The following FBXO3 variants were observed in gnomAD, a reference collection of about 807,000 sequenced individuals.
FBXO3 encodes the protein F-box only protein 3.
In FBXO3, 17 loss-of-function variants were observed where a neutral mutation model predicts 64.8. That is an observed-to-expected ratio of 0.26 (90% CI 0.18 to 0.39). The LOEUF (loss-of-function observed/expected upper bound fraction) is 0.39. Ranked by LOEUF, FBXO3 falls within the 10% of genes least tolerant of loss-of-function variation. FBXO3 has a pLI of 1.00. For missense variants in FBXO3, 420 were observed against 589.9 expected (o/e 0.71, Z 2.98); for synonymous variants, 182 against 201.6 (o/e 0.90, Z 0.82).
chr11:33,749,300 C>T (rs1254365368), intron 8 of FBXO3, among the ~76,000 whole-genome samples: 1 of 151,714 alleles, frequency 6.6e-6, no homozygotes, highest in Non-Finnish European at 1.5e-5. Context: ...ACCCATTTCC[C>T]TTTTTTCCAT....
Position 33,755,888 on chromosome 11 carries a change from T to C in FBXO3, c.561A>G (p.Arg187=), listed in dbSNP as rs1325257753. 1.2e-6 allele frequency: 2 copies of C among 1,614,194 alleles called. No homozygotes were observed. The highest frequency in any genetic ancestry group is 8.5e-7 in the Non-Finnish European group (1 of 1,180,012). ...AAGGGAGACAGTATTTCAGTCCCTG[T>C]CTCTGCTGGAATCCTCCGGCAGCTG... ...VDTAAGGFQQ[R]QGLKYCLPLT... Residue 187 remains arginine, a synonymous_variant, in exon 5 of 11, where the codon AGA becomes AGG. Transcript: ENST00000265651.
At chr11:33,754,359 G>C in intron 6 of FBXO3, 96 bp downstream of exon 6, 1 of 969,332 alleles carries the variant, frequency 1.0e-6, no homozygotes, top group Non-Finnish European at 1.5e-6. Context: ...GAAATTGCCA[G>C]CTGCTAAAGT....
rs1298344526 is a variant in FBXO3 at position 33,741,607 on chromosome 11, T to C, written c.*301A>G. 1.5e-5 allele frequency: 3 copies of C among 198,738 alleles called. No homozygotes were observed. The highest frequency in any genetic ancestry group is 2.0e-5 in the Non-Finnish European group (2 of 99,166). 12.3% of individuals were successfully genotyped at this position (198,738 alleles called of 1,614,324 possible). A position where few individuals can be genotyped will look rare whatever the true frequency, so the allele number is the denominator to read the frequency against. On this transcript the variant is annotated 3_prime_UTR_variant, in exon 11 of 11. Coordinates refer to ENST00000265651, the MANE Select transcript of FBXO3 (RefSeq NM_012175.4). The stretch of plus-strand genomic sequence containing the variant: ...AAACAGTTCCCTCTCCATTTCTAGA[T>C]TTTTGTAAGTATAAAATATTTTAAA...
At chr11:33,767,603 C>T (rs1855408993) in intron 3 of FBXO3, 1 of 152,196 alleles carries the variant, frequency 6.6e-6, no homozygotes, top group Non-Finnish European at 1.5e-5. Flanking sequence ...CTGGCCACAA[C>T]TTACTTAGTT....
chr11:33,769,196 C>A (rs989066497), intron 2 of FBXO3, among the ~76,000 whole-genome samples, 182 bp from the exon 3 acceptor site: 4 of 152,052 alleles, frequency 2.6e-5, no homozygotes, highest in Admixed American at 2.0e-4. Flanking sequence ...AAAGTTACTA[C>A]TGGCATGGTG....
intron 10 of FBXO3, chr11:33,744,517 G>C (rs543858787): frequency 6.6e-6 from 1 of 152,196 alleles, no homozygotes; most frequent in South Asian, 2.1e-4. Context: ...TAATCAGACT[G>C]GTAGAGGACG....
chr11:33,774,268 G>GC (rs1855584229), intron 1 of FBXO3, 126 bp downstream of exon 1: 3 of 818,408 alleles, frequency 3.7e-6, no homozygotes, highest in Non-Finnish European at 5.8e-6. Context: ...GATGAGGGCG[G>GC]CCCTGGCGTC....
chr11:33,746,606 G>A (rs1342902729), intron 10 of FBXO3: 7 of 706,694 alleles, frequency 9.9e-6, no homozygotes, highest in Non-Finnish European at 1.5e-5. Context: ...CTTTAATCAT[G>A]TTATAGTCTC....
intron 1 of FBXO3, chr11:33,773,086 AATAAGTCCTG>A (rs1855550016): frequency 6.6e-6 from 1 of 152,200 alleles, no homozygotes; most frequent in Admixed American, 6.5e-5. Context: ...GTGGTGGAGA[AATAAGTCCTG>A]GAGGACCTTA....
At chr11:33,747,085 C>T (rs1854831218) in intron 10 of FBXO3, 45 bp downstream of exon 10, 3 of 1,602,954 alleles carry the variant, frequency 1.9e-6, no homozygotes, top group Admixed American at 1.8e-5. Flanking sequence ...CAGTGTTAAC[C>T]CTACAAAGTC....
In FBXO3 at chr11:33,774,453, C is replaced by A. The variant is rs1403574505; in HGVS notation, c.45G>T (p.Ser15=). 1 of 1,600,454 alleles carries A rather than the reference C, an allele frequency of 6.2e-7. No individual in the cohort carries two copies. Residue 15 remains serine (S), a synonymous_variant, in exon 1 of 11, where the codon TCG becomes TCT. Coordinates refer to ENST00000265651, the MANE Select transcript of FBXO3 (RefSeq NM_012175.4). ...ETETAPLTLE[S]LPTDPLLLIL... ...TGAGGAGCAGGGGATCGGTGGGCAG[C>A]GACTCTAGGGTCAGCGGCGCCGTCT...
chr11:33,761,810 G>C (rs913153857), intron 3 of FBXO3, among the ~76,000 whole-genome samples: 1 of 152,070 alleles, frequency 6.6e-6, no homozygotes, highest in African/African-American at 2.4e-5. Flanking sequence ...TAGGACTGAG[G>C]CCCTCAGCTC....
chr11:33,768,581 G>C (rs1457996257), intron 3 of FBXO3, among the ~76,000 whole-genome samples: 1 of 152,036 alleles, frequency 6.6e-6, no homozygotes, highest in African/African-American at 2.4e-5. Flanking sequence ...CACAATCTTA[G>C]CATTACTACT....
intron 1 of FBXO3, chr11:33,771,994 C>G (rs917680163): frequency 6.6e-6 from 1 of 152,166 alleles, no homozygotes; most frequent in Non-Finnish European, 1.5e-5. Context: ...CCTCAGGCAT[C>G]TGTATGTTTA....
chr11:33,756,903 A>G, intron 4 of FBXO3: 1 of 430,068 alleles, frequency 2.3e-6, no homozygotes, highest in South Asian at 1.7e-5. Context: ...TTTTAACTTA[A>G]TTTTTTATAG....
chr11:33,774,480 G>T lies in FBXO3; in HGVS notation c.18C>A (p.Thr6=). Residue 6 remains threonine, a synonymous_variant, in exon 1 of 11, where the codon ACC becomes ACA. Coordinates refer to ENST00000265651, the MANE Select transcript of FBXO3 (RefSeq NM_012175.4). ...ACTCTAGGGTCAGCGGCGCCGTCTCGGTCTCCATGGCCGCCATCTTGCCTG... is the reference window on the plus strand; with the variant it reads ...ACTCTAGGGTCAGCGGCGCCGTCTCTGTCTCCATGGCCGCCATCTTGCCTG... The part of the protein sequence containing the change: MAAME[T]ETAPLTLESL... 6.3e-7 allele frequency: 1 copy of T among 1,576,136 alleles called. No homozygotes were observed. Among genetic ancestry groups the T allele is most frequent in the Non-Finnish European group, 8.6e-7 (1 of 1,162,142 alleles).
chr11:33,773,591 T>A (rs1436874052), intron 1 of FBXO3: 1 of 152,290 alleles, frequency 6.6e-6, no homozygotes, highest in Admixed American at 6.5e-5. Flanking sequence ...TAAACAATCC[T>A]GACAGCTGGG....
chr11:33,762,633 A>G (rs1855270281), intron 3 of FBXO3, among the ~76,000 whole-genome samples: 1 of 152,092 alleles, frequency 6.6e-6, no homozygotes, highest in African/African-American at 2.4e-5. Context: ...TATGGGACAA[A>G]CTAATGTGCT....
chr11:33,757,074 C>A (rs1199609129), intron 4 of FBXO3: 1 of 518,770 alleles, frequency 1.9e-6, no homozygotes, highest in Non-Finnish European at 3.8e-6. Flanking sequence ...AATGTGATCA[C>A]CTTTGGGATT....
Sources: gnomAD v4.1 joint callset for allele counts (sites outside exome capture counted in the v4.1 genomes callset) on GRCh38, gnomAD v4.1.1 for gene constraint, MANE v1.5 for transcripts, NCBI Gene and HGNC (gene_info 2026-07-23, HGNC 2026-07-21) for gene names.